ABCA12: variants seen among roughly 807,000 people sequenced by gnomAD.
ABCA12 encodes glucosylceramide transporter ABCA12.
ABCA12 carries 156 observed loss-of-function variants against 293.5 expected under a neutral mutation model. The observed-to-expected ratio is 0.53, with a 90% CI of 0.47 to 0.61. The LOEUF (loss-of-function observed/expected upper bound fraction) is 0.61, where lower values mean the gene tolerates loss of function less well. Ranked by LOEUF, ABCA12 falls within the 20% of genes least tolerant of loss-of-function variation. The probability of loss-of-function intolerance (pLI) is 0.00; values close to 1 mark genes in which losing one functional copy is unlikely to be tolerated. For missense variants in ABCA12, 2,797 were observed against 3,090.2 expected (o/e 0.91, Z 2.25); for synonymous variants, 1,063 against 1,108.0 (o/e 0.96, Z 0.81).
chr2:215,087,745 G>A (rs1229320208), intron 2 of ABCA12, among the ~76,000 whole-genome samples: 1 of 152,076 alleles, frequency 6.6e-6, no homozygotes, highest in African/African-American at 2.4e-5. Context: ...AGGATAAGTT[G>A]GAGCTAACTG....
intron 1 of ABCA12, among the ~76,000 whole-genome samples, chr2:215,112,697 C>A (rs1247153265): frequency 2.0e-5 from 3 of 151,882 alleles, no homozygotes; most frequent in Non-Finnish European, 4.4e-5. Context: ...GAGGTTCCAC[C>A]ATCTTGGCTA....
At chr2:215,066,921 C>G (rs1474991133) in intron 2 of ABCA12, among the ~76,000 whole-genome samples, 2 of 152,106 alleles carry the variant, frequency 1.3e-5, no homozygotes, top group Non-Finnish European at 2.9e-5. Context: ...ATGTACTGTG[C>G]TAGGCATGTA....
chr2:215,065,690 G>A (rs1435415018), intron 2 of ABCA12, among the ~76,000 whole-genome samples: 1 of 151,954 alleles, frequency 6.6e-6, no homozygotes, highest in Non-Finnish European at 1.5e-5. Flanking sequence ...TTCTTCCAGA[G>A]GGTCCAGAAG....
intron 4 of ABCA12, 136 bp downstream of exon 4, chr2:215,054,437 G>T: frequency 1.3e-6 from 1 of 753,384 alleles, no homozygotes; most frequent in East Asian, 2.6e-5. Context: ...GCAACCATGA[G>T]GAACGTTTAG....
intron 26 of ABCA12, among the ~76,000 whole-genome samples, chr2:214,989,117 T>G (rs1423973485): frequency 7.2e-6 from 1 of 139,466 alleles, no homozygotes; most frequent in African/African-American, 2.6e-5. Flanking sequence ...AGGTGGAGGT[T>G]GCAGTGAGCC....
chr2:215,116,739 T>G (rs1027001790), intron 1 of ABCA12, among the ~76,000 whole-genome samples: 1 of 152,152 alleles, frequency 6.6e-6, no homozygotes, highest in Non-Finnish European at 1.5e-5. Flanking sequence ...CACAACCTAA[T>G]GTGATGAAAC....
intron 40 of ABCA12, 109 bp from the exon 41 acceptor site, chr2:214,958,563 G>A (rs1323340627): frequency 3.3e-6 from 4 of 1,221,418 alleles, no homozygotes; most frequent in Non-Finnish European, 4.7e-6. Flanking sequence ...AGAGTTGGCT[G>A]TGACACAAAT....
chr2:214,984,712 G>A (rs1280630171), intron 28 of ABCA12, among the ~76,000 whole-genome samples: 1 of 152,080 alleles, frequency 6.6e-6, no homozygotes, highest in Non-Finnish European at 1.5e-5. Flanking sequence ...ACTGGAATCT[G>A]TAAGTCATTT....
At chr2:215,024,868 C>A (rs1184700133) in intron 11 of ABCA12, among the ~76,000 whole-genome samples, 1 of 152,088 alleles carries the variant, frequency 6.6e-6, no homozygotes, top group Non-Finnish European at 1.5e-5. Flanking sequence ...AACCTGTATA[C>A]TATATGCATG....
intron 17 of ABCA12, 126 bp downstream of exon 17, chr2:215,011,313 A>G (rs918826259): frequency 2.6e-6 from 2 of 757,876 alleles, no homozygotes; most frequent in African/African-American, 3.5e-5. Flanking sequence ...GTGCTGTATA[A>G]TTATTTTCTA....
intron 51 of ABCA12, among the ~76,000 whole-genome samples, chr2:214,937,166 A>AAAAG (rs1264069075): frequency 6.6e-6 from 1 of 152,056 alleles, no homozygotes; most frequent in Admixed American, 6.6e-5. Context: ...AGGCAAGATA[A>AAAAG]TCACTTACAT....
intron 2 of ABCA12, among the ~76,000 whole-genome samples, chr2:215,074,820 T>C (rs967045042): frequency 6.6e-6 from 1 of 151,972 alleles, no homozygotes; most frequent in Admixed American, 6.6e-5. Flanking sequence ...TGCGTGCCTG[T>C]AGTCCCAGCT....
chr2:215,046,465 T>TTATA (rs946901770), intron 6 of ABCA12, among the ~76,000 whole-genome samples: 30 of 147,640 alleles, frequency 2.0e-4, no homozygotes, highest in African/African-American at 6.9e-4. Context: ...GGATAGATTT[T>TTATA]TATATATATA....
At chr2:215,123,680 A>C (rs969328761) in intron 1 of ABCA12, among the ~76,000 whole-genome samples, 8 of 152,188 alleles carry the variant, frequency 5.3e-5, no homozygotes, top group South Asian at 2.1e-4. Context: ...ACTAATTTAC[A>C]TTCTCATCAA....
intron 28 of ABCA12, 132 bp from the exon 29 acceptor site, chr2:214,983,997 A>T: frequency 3.0e-6 from 2 of 674,198 alleles, no homozygotes; most frequent in Non-Finnish European, 5.0e-6. Flanking sequence ...TATGAAATAA[A>T]ATGGTATTTA....
chr2:215,005,437 A>G (rs564297978), intron 19 of ABCA12, among the ~76,000 whole-genome samples: 1 of 152,318 alleles, frequency 6.6e-6, no homozygotes, highest in South Asian at 2.1e-4. Flanking sequence ...AGAAAAACAT[A>G]TTAGTCGAGC....
chr2:214,976,838 A>T (rs1699528040), intron 33 of ABCA12, among the ~76,000 whole-genome samples: 2 of 152,202 alleles, frequency 1.3e-5, no homozygotes. Context: ...TCTGTGGCTA[A>T]TAATTTCAGC....
chr2:214,947,662 A>T, intron 47 of ABCA12, 106 bp from the exon 48 acceptor site: 1 of 1,285,524 alleles, frequency 7.8e-7, no homozygotes, highest in Non-Finnish European at 1.1e-6. Flanking sequence ...GTTATCATGG[A>T]GAATATATCT....
In ABCA12 at chr2:215,055,948, G is replaced by A. The variant is rs576630462; in HGVS notation, c.318-1284C>T. Among the ~76,000 whole-genome samples, 136 of 151,198 alleles carry A rather than the reference G, an allele frequency of 9.0e-4. 2 individuals are homozygous for A. Among genetic ancestry groups the A allele is most frequent in the Non-Finnish European group, 1.5e-3 (99 of 67,290 alleles). The stretch of plus-strand genomic sequence containing the variant: ...TTTTCTCAAAAAGAAGTTTTAGAAA[G>A]TTTGAGAAAGTTGAGTTTACTTTTC... On this transcript the variant is annotated intron_variant, in intron 3 of 52. Coordinates refer to ENST00000272895, the MANE Select transcript of ABCA12 (RefSeq NM_173076.3).
Sources: allele counts gnomAD v4.1 joint callset (sites outside exome capture counted in the v4.1 genomes callset), GRCh38; gene constraint gnomAD v4.1.1; transcripts MANE v1.5; gene names NCBI Gene and HGNC (gene_info 2026-07-23, HGNC 2026-07-21).